The following KCNH1 variants were observed in gnomAD, a reference collection of about 807,000 sequenced individuals.
KCNH1 encodes voltage-gated delayed rectifier potassium channel KCNH1.
KCNH1 carries 27 observed loss-of-function variants against 69.2 expected under a neutral mutation model. The observed-to-expected ratio is 0.39, with a 90% CI of 0.29 to 0.54. KCNH1 has a LOEUF of 0.54. Among genes scored for constraint, KCNH1 ranks in the 20% least tolerant of loss-of-function variants. The pLI, the probability that KCNH1 is intolerant of heterozygous loss-of-function variation, is 0.68. For missense variants in KCNH1, 798 were observed against 1,261.6 expected (o/e 0.63, Z 5.57); for synonymous variants, 456 against 487.7 (o/e 0.93, Z 0.86).
chr1:210,740,143 A>G (rs1682986401), intron 10 of KCNH1, among the ~76,000 whole-genome samples: 1 of 152,172 alleles, frequency 6.6e-6, no homozygotes, highest in Non-Finnish European at 1.5e-5. Context: ...AGATAGAAGG[A>G]TACACAAGGC....
chr1:211,002,173 T>A (rs902806089), intron 6 of KCNH1, among the ~76,000 whole-genome samples: 15 of 151,964 alleles, frequency 9.9e-5, no homozygotes, highest in South Asian at 2.1e-4. Flanking sequence ...GTTGCGCACA[T>A]GTACCCTAGA....
chr1:210,862,934 G>T (rs938034768), intron 7 of KCNH1, among the ~76,000 whole-genome samples: 1 of 152,154 alleles, frequency 6.6e-6, no homozygotes, highest in Non-Finnish European at 1.5e-5. Flanking sequence ...GAAGCCAGTG[G>T]GCTGTCTGGC....
chr1:210,772,381 A>G, intron 10 of KCNH1, among the ~76,000 whole-genome samples: 1 of 151,414 alleles, frequency 6.6e-6, no homozygotes, highest in Non-Finnish European at 1.5e-5. Context: ...CTTTACCAGG[A>G]AAAAAAAATA....
At chr1:210,790,208 C>A (rs1033517000) in intron 9 of KCNH1, among the ~76,000 whole-genome samples, 2 of 152,238 alleles carry the variant, frequency 1.3e-5, no homozygotes, top group African/African-American at 4.8e-5. Flanking sequence ...AAATTCCTGT[C>A]TTGAGCCCTG....
chr1:210,968,112 G>A (rs1688443456), intron 6 of KCNH1, among the ~76,000 whole-genome samples: 2 of 150,198 alleles, frequency 1.3e-5, no homozygotes, highest in Non-Finnish European at 2.9e-5. Context: ...GTGAGAATAT[G>A]CGGTGTTTGG....
At chr1:210,807,632 T>C (rs1684611394) in intron 7 of KCNH1, among the ~76,000 whole-genome samples, 1 of 149,226 alleles carries the variant, frequency 6.7e-6, no homozygotes, top group Non-Finnish European at 1.5e-5. Context: ...AATAAATAAA[T>C]AAATAATAAT....
rs566341800 is a variant in KCNH1 at position 211,095,839 on chromosome 1, T to A, written c.311-5149A>T. 3.0e-4 allele frequency among the ~76,000 whole-genome samples: 45 copies of A among 152,294 alleles called. No homozygotes were observed. The South Asian group carries it at 8.9e-3, about 30-fold the overall frequency. On this transcript the variant is annotated intron_variant, in intron 3 of 10. Transcript: ENST00000271751. ...AGAGGATGAGACAGCACCAGAGGGA[T>A]GTAATGGCCACTGGCCATTAGAACA...
chr1:210,940,310 A>G (rs1574350443), intron 6 of KCNH1, among the ~76,000 whole-genome samples: 1 of 152,210 alleles, frequency 6.6e-6, no homozygotes, highest in Non-Finnish European at 1.5e-5. Flanking sequence ...CAGAGAAAAC[A>G]CAGCCTGTAA....
intron 7 of KCNH1, among the ~76,000 whole-genome samples, chr1:210,826,305 C>T (rs918913364): frequency 1.3e-5 from 2 of 151,882 alleles, no homozygotes; most frequent in Non-Finnish European, 2.9e-5. Context: ...TTTCTACTTG[C>T]AACAATGGGT....
intron 7 of KCNH1, among the ~76,000 whole-genome samples, chr1:210,864,997 A>G (rs562498245): frequency 6.6e-6 from 1 of 152,230 alleles, no homozygotes; most frequent in African/African-American, 2.4e-5. Flanking sequence ...AGGTGTCCCA[A>G]ACAAATCACA....
intron 6 of KCNH1, among the ~76,000 whole-genome samples, chr1:211,005,352 C>T (rs1689260925): frequency 6.6e-6 from 1 of 152,148 alleles, no homozygotes; most frequent in East Asian, 1.9e-4. Context: ...GAAATAAAAA[C>T]GTTAAAATTC....
At chr1:210,707,549 T>C (rs1001315585) in intron 10 of KCNH1, among the ~76,000 whole-genome samples, 10 of 152,222 alleles carry the variant, frequency 6.6e-5, no homozygotes, top group African/African-American at 1.9e-4. Context: ...GCCTGATTCG[T>C]GCTCTTGGCA....
In KCNH1 at chr1:210,683,974, C is replaced by T; in HGVS notation, c.2277G>A (p.Arg759=). 1 of 1,600,964 alleles carries T rather than the reference C, an allele frequency of 6.2e-7. No homozygotes were observed. Among genetic ancestry groups the T allele is most frequent in the Non-Finnish European group, 8.5e-7 (1 of 1,169,912 alleles). ...EARLAAERGG[R]DLDDLDVEKG... is the part of the protein sequence containing the mutation. Reference sequence around the variant, plus strand: ...TCTCCACATCTAGGTCATCCAGGTCCCGGCCCCCTCTCTCAGCTGCCAGCC... The same window carrying T: ...TCTCCACATCTAGGTCATCCAGGTCTCGGCCCCCTCTCTCAGCTGCCAGCC... Residue 759 remains arginine (R), a synonymous_variant, in exon 11 of 11, where the codon CGG becomes CGA. Transcript: ENST00000271751. This position sits in a 1 kb window ranked among gnomAD's most constrained non-coding sequence, Gnocchi z 5.7.
intron 7 of KCNH1, among the ~76,000 whole-genome samples, chr1:210,856,017 G>T (rs897013986): frequency 6.6e-6 from 1 of 152,164 alleles, no homozygotes; most frequent in African/African-American, 2.4e-5. Context: ...TCTGCCTCTT[G>T]CTGTATATGT....
chr1:210,906,582 C>T (rs925285280), intron 7 of KCNH1, among the ~76,000 whole-genome samples: 2 of 152,218 alleles, frequency 1.3e-5, no homozygotes, highest in African/African-American at 4.8e-5. Context: ...GCCTTCTCGA[C>T]CACACAGGAA....
intron 9 of KCNH1, among the ~76,000 whole-genome samples, chr1:210,790,170 A>G (rs1777260): frequency 0.18 from 26,743 of 152,244 alleles, 2,444 homozygotes; most frequent in Non-Finnish European, 0.2. Context: ...TTTAAAATAT[A>G]CATTTCATAT....
intron 8 of KCNH1, among the ~76,000 whole-genome samples, chr1:210,801,585 G>A (rs138238879): frequency 0.011 from 1,619 of 152,326 alleles, 14 homozygotes; most frequent in South Asian, 0.024. Context: ...AAATGCTGAC[G>A]GTGCTGTCTC....
chr1:210,707,933 CCACT>C (rs369994762), intron 10 of KCNH1, among the ~76,000 whole-genome samples: 15 of 152,286 alleles, frequency 9.8e-5, no homozygotes, highest in African/African-American at 3.6e-4. Flanking sequence ...TTTTTGTCTA[CCACT>C]CACTCTTAAG....
At chr1:210,960,905 C>G (rs1185844042) in intron 6 of KCNH1, among the ~76,000 whole-genome samples, 1 of 152,194 alleles carries the variant, frequency 6.6e-6, no homozygotes, top group African/African-American at 2.4e-5. Flanking sequence ...CATATCAACA[C>G]TTGGTATGGT....
Sources: allele counts gnomAD v4.1 joint callset (sites outside exome capture counted in the v4.1 genomes callset), GRCh38; gene constraint gnomAD v4.1.1; non-coding constraint Gnocchi (gnomAD v3.1); transcripts MANE v1.5; gene names NCBI Gene and HGNC (gene_info 2026-07-23, HGNC 2026-07-21).